Variants in KCNK13 observed in about 807,000 individuals in gnomAD.
KCNK13 encodes the protein potassium two pore domain channel subfamily K member 13, also known as potassium channel subfamily K member 13.
KCNK13 carries 12 observed loss-of-function variants against 23.4 expected under a neutral mutation model. That is an observed-to-expected ratio of 0.51 (90% CI 0.33 to 0.83). The LOEUF is 0.83. Among genes scored for constraint, KCNK13 ranks in the 40% least tolerant of loss-of-function variants. KCNK13 has a pLI of 0.02. For synonymous variants in KCNK13, 231 were observed against 229.5 expected (o/e 1.01, Z -0.06); for missense variants, 463 against 556.3 (o/e 0.83, Z 1.69).
chr14:90,087,174 T>TG (rs1889291348), intron 1 of KCNK13, among the ~76,000 whole-genome samples: 2 of 139,980 alleles, frequency 1.4e-5, no homozygotes, highest in Non-Finnish European at 3.0e-5. Flanking sequence ...TTTATTGAGA[T>TG]GGGGCCTCAC....
chr14:90,092,502 A>G (rs1046508947), intron 1 of KCNK13, among the ~76,000 whole-genome samples: 4 of 152,230 alleles, frequency 2.6e-5, no homozygotes, highest in African/African-American at 9.7e-5. Context: ...ATAAGGAAAC[A>G]TGGAGGACAG....
intron 1 of KCNK13, among the ~76,000 whole-genome samples, chr14:90,170,867 A>T (rs896175550): frequency 1.3e-5 from 2 of 152,192 alleles, no homozygotes; most frequent in Non-Finnish European, 2.9e-5. Context: ...TGTAAAGATA[A>T]GCTATCAATT....
chr14:90,170,063 A>G (rs1180697654), intron 1 of KCNK13, among the ~76,000 whole-genome samples: 1 of 152,194 alleles, frequency 6.6e-6, no homozygotes, highest in African/African-American at 2.4e-5. Flanking sequence ...ACCCACAAGC[A>G]TGGAAATAAA....
intron 1 of KCNK13, among the ~76,000 whole-genome samples, chr14:90,176,501 T>C (rs1041083201): frequency 2.6e-5 from 4 of 151,902 alleles, no homozygotes; most frequent in Non-Finnish European, 4.4e-5. Context: ...TTGGAGGGGC[T>C]TTTTACCAAA....
rs1889319593 is a variant in KCNK13, at chr14:90,089,631, T to G, written c.334+27092T>G. The stretch of plus-strand genomic sequence containing the variant: ...AGCCAAATGTTAATCCCGAAGACAA[T>G]GGGGAAAATATCTCCAGGGCATGTC... On this transcript the variant is annotated intron_variant, in intron 1 of 1. Coordinates refer to ENST00000282146, the MANE Select transcript of KCNK13 (RefSeq NM_022054.4). Among the ~76,000 whole-genome samples the G allele has an allele frequency of 2.0e-5, 3 of 152,120 alleles. No homozygotes were observed. In the South Asian group the frequency reaches 6.2e-4, roughly 31 times the overall value.
At chr14:90,151,344 A>G (rs1890132372) in intron 1 of KCNK13, among the ~76,000 whole-genome samples, 1 of 152,186 alleles carries the variant, frequency 6.6e-6, no homozygotes, top group African/African-American at 2.4e-5. Flanking sequence ...GTTGTGAGGT[A>G]ATATCTCACT....
chr14:90,155,281 G>C (rs1011394605), intron 1 of KCNK13, among the ~76,000 whole-genome samples: 1 of 152,156 alleles, frequency 6.6e-6, no homozygotes, highest in Non-Finnish European at 1.5e-5. Context: ...GATGGAGGAG[G>C]AGCAGCAAGG....
intron 1 of KCNK13, among the ~76,000 whole-genome samples, chr14:90,176,383 G>T (rs1890422179): frequency 1.3e-5 from 2 of 152,108 alleles, no homozygotes; most frequent in African/African-American, 4.8e-5. Context: ...GCCTCCTGCT[G>T]ATCTTCTAAG....
At chr14:90,110,458 C>T (rs1052599484) in intron 1 of KCNK13, among the ~76,000 whole-genome samples, 19 of 149,294 alleles carry the variant, frequency 1.3e-4, no homozygotes, top group Middle Eastern at 3.2e-3. Flanking sequence ...CCAGCCTGGG[C>T]GACGGAGTGA....
At chr14:90,152,469 A>T (rs1362166634) in intron 1 of KCNK13, among the ~76,000 whole-genome samples, 1 of 151,964 alleles carries the variant, frequency 6.6e-6, no homozygotes, top group Non-Finnish European at 1.5e-5. Context: ...CGGGAGGTGG[A>T]GGTTGTGGTG....
At chr14:90,077,928 A>C (rs535132831) in intron 1 of KCNK13, among the ~76,000 whole-genome samples, 5 of 152,252 alleles carry the variant, frequency 3.3e-5, no homozygotes, top group African/African-American at 1.2e-4. Context: ...AAATCTAAAA[A>C]CTGAACTTAG....
rs1402852443 is a variant in KCNK13, at chr14:90,082,203, A to C, written c.334+19664A>C. Among the ~76,000 whole-genome samples the C allele has an allele frequency of 2.6e-5, 4 of 151,234 alleles. No individual in the cohort carries two copies. In the East Asian group the frequency reaches 7.8e-4, roughly 29 times the overall value. ...CAGCCTCCCCAGTAGCTGGGACTAT[A>C]GGCATATGCCACCACACCCAGCTAA... On this transcript the variant is annotated intron_variant, in intron 1 of 1. Coordinates refer to ENST00000282146, the MANE Select transcript of KCNK13 (RefSeq NM_022054.4).
chr14:90,162,108 A>G (rs1023818391), intron 1 of KCNK13, among the ~76,000 whole-genome samples: 1 of 152,156 alleles, frequency 6.6e-6, no homozygotes, highest in Non-Finnish European at 1.5e-5. Flanking sequence ...TGAGCCTGGG[A>G]GGGCGAGGCT....
At chr14:90,116,249 C>T (rs1230930793) in intron 1 of KCNK13, among the ~76,000 whole-genome samples, 5 of 152,074 alleles carry the variant, frequency 3.3e-5, no homozygotes, top group Admixed American at 1.3e-4. Context: ...GCAATAGTCT[C>T]CTGAAGATGT....
chr14:90,125,675 A>G (rs1889791272), intron 1 of KCNK13, among the ~76,000 whole-genome samples: 1 of 152,064 alleles, frequency 6.6e-6, no homozygotes, highest in Non-Finnish European at 1.5e-5. Context: ...ACAGGACTCA[A>G]TTGAAAGCAC....
intron 1 of KCNK13, among the ~76,000 whole-genome samples, chr14:90,081,615 G>T (rs1443658498): frequency 1.3e-5 from 2 of 152,128 alleles, no homozygotes; most frequent in African/African-American, 2.4e-5. Flanking sequence ...TCTATTTAAG[G>T]TATACAATTC....
intron 1 of KCNK13, among the ~76,000 whole-genome samples, chr14:90,159,878 G>A (rs773677661): frequency 6.6e-6 from 1 of 152,040 alleles, no homozygotes; most frequent in Non-Finnish European, 1.5e-5. Flanking sequence ...AGTAGTGACA[G>A]GGCTGAGATC....
chr14:90,087,154 A>ATAT (rs1282261147), intron 1 of KCNK13, among the ~76,000 whole-genome samples: 50 of 107,620 alleles, frequency 4.6e-4, no homozygotes, highest in Non-Finnish European at 6.7e-4. Flanking sequence ...ATATATATAT[A>ATAT]TTTTTTTTTT....
At chr14:90,096,423 C>T (rs1270844339) in intron 1 of KCNK13, among the ~76,000 whole-genome samples, 1 of 152,142 alleles carries the variant, frequency 6.6e-6, no homozygotes, top group Non-Finnish European at 1.5e-5. Flanking sequence ...GGGACAAAGA[C>T]CAAATATGTA....
Sources: gnomAD v4.1 joint callset for allele counts (sites outside exome capture counted in the v4.1 genomes callset) on GRCh38, gnomAD v4.1.1 for gene constraint, MANE v1.5 for transcripts, NCBI Gene and HGNC (gene_info 2026-07-23, HGNC 2026-07-21) for gene names.